Variants in ORC4 observed in about 807,000 individuals in gnomAD.
ORC4 encodes origin recognition complex subunit 4.
In ORC4, 55 loss-of-function variants were observed where a neutral mutation model predicts 63.9. The ratio of observed to expected loss-of-function variants is 0.86; its 90% CI spans 0.69 to 1.08. The LOEUF is 1.08. Ranked by LOEUF, ORC4 falls within the 50% of genes least tolerant of loss-of-function variation. The probability of loss-of-function intolerance (pLI) is 0.00; values close to 1 mark genes in which losing one functional copy is unlikely to be tolerated. For missense variants in ORC4, 511 were observed against 504.4 expected (o/e 1.01, Z -0.13); for synonymous variants, 150 against 168.5 (o/e 0.89, Z 0.85).
intron 4 of ORC4, among the ~76,000 whole-genome samples, chr2:147,969,953 TAA>T (rs575190067): frequency 1.0e-3 from 159 of 151,840 alleles, no homozygotes; most frequent in Middle Eastern, 3.4e-3. Flanking sequence ...ACTGTCTAAG[TAA>T]AAAAATCTCA....
intron 5 of ORC4, 75 bp downstream of exon 5, chr2:147,958,716 T>G: frequency 3.9e-6 from 3 of 765,516 alleles, no homozygotes; most frequent in Admixed American, 3.9e-5. Flanking sequence ...TTAAAATGGA[T>G]TTGAAATATA....
chr2:147,952,400 T>G lies in ORC4; in HGVS notation c.561A>C (p.Ile187=). The change falls in exon 8 of 14, where the codon ATA becomes ATC. Residue 187 remains isoleucine, a synonymous_variant. Coordinates refer to ENST00000392857, the MANE Select transcript of ORC4 (RefSeq NM_181741.4). ...FDISQSAQTP[I]AVIGLTCRLD... is the part of the protein sequence containing the mutation. The stretch of plus-strand genomic sequence containing the variant: ...ATCTACATGTAAGACCAATAACTGC[T>G]ATTGGGGTCTGTGCAGACTGAGAAA... The G allele has an allele frequency of 6.2e-7, 1 of 1,609,548 alleles. No homozygotes were observed. The highest frequency in any genetic ancestry group is 8.5e-7 in the Non-Finnish European group (1 of 1,176,028).
Position 147,933,553 on chromosome 2 carries a change from T to C in ORC4, c.*1957A>G, listed in dbSNP as rs1687885012. 1 of 152,254 alleles carries C rather than the reference T, an allele frequency of 6.6e-6. No individual in the cohort carries two copies. Among genetic ancestry groups the C allele is most frequent in the East Asian group, 1.9e-4 (1 of 5,184 alleles). 9.4% of individuals were successfully genotyped at this position (152,254 alleles called of 1,614,324 possible). ...TATACTTGGTTATTGATGGATCTTC[T>C]GCAGCTCTTATGTAGCCAATGAGAC... On this transcript the variant is annotated 3_prime_UTR_variant, in exon 14 of 14. Transcript: ENST00000392857.
At chr2:147,994,951 C>T (rs375004463) in intron 1 of ORC4, among the ~76,000 whole-genome samples, 5 of 152,264 alleles carry the variant, frequency 3.3e-5, no homozygotes, top group East Asian at 1.9e-4. Flanking sequence ...CTTCCTGGGT[C>T]GAGTGGGGAC....
At chr2:147,957,858 G>A (rs370638605) in intron 6 of ORC4, among the ~76,000 whole-genome samples, 10 of 151,406 alleles carry the variant, frequency 6.6e-5, no homozygotes, top group African/African-American at 2.5e-4. Context: ...CAGTCAAAGG[G>A]TTGTAAGGCA....
chr2:147,971,579 G>A (rs1690214364), intron 4 of ORC4, among the ~76,000 whole-genome samples: 1 of 151,504 alleles, frequency 6.6e-6, no homozygotes, highest in Non-Finnish European at 1.5e-5. Flanking sequence ...CTATTAGAAT[G>A]GTTAAAATAA....
At chr2:147,960,797 G>A (rs1351669529) in intron 4 of ORC4, among the ~76,000 whole-genome samples, 1 of 152,210 alleles carries the variant, frequency 6.6e-6, no homozygotes, top group African/African-American at 2.4e-5. Flanking sequence ...GCAGAGGCAG[G>A]AGGACTGCCT....
At chr2:147,947,970 T>C in intron 9 of ORC4, 81 bp downstream of exon 9, 2 of 1,084,524 alleles carry the variant, frequency 1.8e-6, no homozygotes, top group East Asian at 2.4e-5. Context: ...TTGTGTTAAT[T>C]TACTAATTTC....
At position 147,999,390 on chromosome 2, in the gene ORC4, A is replaced by G. The variant is rs113355455; in HGVS notation, c.-18+21243T>C. Among the ~76,000 whole-genome samples, 17 of 152,328 alleles carry G rather than the reference A, an allele frequency of 1.1e-4. 1 individual carries two copies. Among genetic ancestry groups the G allele is most frequent in the African/African-American group, 3.6e-4 (15 of 41,582 alleles). On this transcript the variant is annotated intron_variant, in intron 1 of 13. Coordinates refer to ENST00000392857, the MANE Select transcript of ORC4 (RefSeq NM_181741.4). The stretch of plus-strand genomic sequence containing the variant: ...AGCTCTCTTCTTTCACATAGTTCTC[A>G]TACTACTGGCAATCAGACTTATACC...
chr2:147,988,524 A>C lies in ORC4; in HGVS notation c.-17-12549T>G, dbSNP rs534114592. On this transcript the variant is annotated intron_variant, in intron 1 of 13. Transcript: ENST00000392857. ...AGGCATGTGCCACCATGCCTGGCTA[A>C]TTTTTGCATTTTTAGTAGAGATGGG... Among the ~76,000 whole-genome samples, 294 of 151,902 alleles carry C rather than the reference A, an allele frequency of 1.9e-3. 1 individual carries two copies. The highest frequency in any genetic ancestry group is 0.01 in the Middle Eastern group (3 of 294).
At chr2:147,953,744 C>T (rs1335281411) in intron 7 of ORC4, among the ~76,000 whole-genome samples, 1 of 152,140 alleles carries the variant, frequency 6.6e-6, no homozygotes, top group Non-Finnish European at 1.5e-5. Context: ...ATGGAAACAA[C>T]TTTAGTAAAA....
At position 147,938,016 on chromosome 2, in the gene ORC4, T is replaced by G. The variant is rs181920868; in HGVS notation, c.1122+130A>C. 5.6e-6 allele frequency: 4 copies of G among 716,750 alleles called. No individual in the cohort carries two copies. The South Asian group carries it at 6.9e-5, about 12-fold the overall frequency. 44.4% of individuals were successfully genotyped at this position (716,750 alleles called of 1,614,324 possible). On this transcript the variant is annotated intron_variant, in intron 13 of 13. Coordinates refer to ENST00000392857, the MANE Select transcript of ORC4 (RefSeq NM_181741.4). ...TCCAAAATATTTCATTTTTAGATAA[T>G]TTTCTTGTTTTGAAAAAAATCTCTA...
rs17232043 is a variant in ORC4, at chr2:147,937,774, A to G, written c.1122+372T>C. 3.7e-4 allele frequency among the ~76,000 whole-genome samples: 57 copies of G among 152,278 alleles called. 1 individual carries two copies. The East Asian group carries it at 0.011, about 29-fold the overall frequency. ...TTTCTCTGTATGCCCTCACAGGCCA[A>G]TAAGATTTTGTCTTTTAAGTTTCTT... On this transcript the variant is annotated intron_variant, in intron 13 of 13. Coordinates refer to ENST00000392857, the MANE Select transcript of ORC4 (RefSeq NM_181741.4).
At chr2:147,958,973 C>A in intron 4 of ORC4, 107 bp from the exon 5 acceptor site, 2 of 589,084 alleles carry the variant, frequency 3.4e-6, no homozygotes, top group Admixed American at 6.2e-5. Flanking sequence ...AAATTGACCT[C>A]TTTAACAAGT....
intron 1 of ORC4, among the ~76,000 whole-genome samples, chr2:147,993,715 G>A (rs949785865): frequency 6.6e-6 from 1 of 152,088 alleles, no homozygotes; most frequent in African/African-American, 2.4e-5. Context: ...CTAAAAATTA[G>A]GGGGTTGGGG....
rs1364303678 is a variant in ORC4, at chr2:147,931,309, A to G, written c.*4201T>C. 5.9e-5 allele frequency: 9 copies of G among 151,724 alleles called. No homozygotes were observed. The South Asian group carries it at 8.3e-4, about 14-fold the overall frequency. The allele number at this position is 151,724 out of a possible 1,614,324, so 9.4% of individuals were successfully genotyped here. ...CTTTGCTATTGTGAATAATGCCACAATAAACATACGTGTGCATGTGTCTTT... is the reference window on the plus strand; with the variant it reads ...CTTTGCTATTGTGAATAATGCCACAGTAAACATACGTGTGCATGTGTCTTT... On this transcript the variant is annotated 3_prime_UTR_variant, in exon 14 of 14. Transcript: ENST00000392857.
intron 1 of ORC4, among the ~76,000 whole-genome samples, chr2:147,984,818 C>T (rs905235798): frequency 6.6e-6 from 1 of 152,196 alleles, no homozygotes; most frequent in African/African-American, 2.4e-5. Context: ...ATTCACTGAC[C>T]ACTACTTACT....
At chr2:148,018,164 A>G (rs1693426361) in intron 1 of ORC4, among the ~76,000 whole-genome samples, 1 of 152,270 alleles carries the variant, frequency 6.6e-6, no homozygotes. Flanking sequence ...TAAGAATTAA[A>G]AAGACAATTC....
intron 1 of ORC4, among the ~76,000 whole-genome samples, chr2:148,015,113 GAA>G (rs1174222420): frequency 2.5e-5 from 3 of 118,616 alleles, no homozygotes; most frequent in African/African-American, 3.1e-5. Context: ...TTGACTAGGA[GAA>G]AAAAAAAAAA....
Sources: allele counts gnomAD v4.1 joint callset (sites outside exome capture counted in the v4.1 genomes callset), GRCh38; gene constraint gnomAD v4.1.1; transcripts MANE v1.5; gene names NCBI Gene and HGNC (gene_info 2026-07-23, HGNC 2026-07-21).